The following RNF17 variants were observed in gnomAD, a reference collection of about 807,000 sequenced individuals.
RNF17 encodes the protein spermatogenesis associated 23.
In RNF17, 31 loss-of-function variants were observed where a neutral mutation model predicts 200.5. The observed-to-expected ratio is 0.15, with a 90% CI of 0.12 to 0.21. RNF17 has a LOEUF of 0.21. Ranked by LOEUF, RNF17 falls within the 10% of genes least tolerant of loss-of-function variation. The probability of loss-of-function intolerance (pLI) is 1.00; values close to 1 mark genes in which losing one functional copy is unlikely to be tolerated. For missense variants in RNF17, 1,628 were observed against 1,905.1 expected (o/e 0.85, Z 2.71); for synonymous variants, 606 against 637.8 (o/e 0.95, Z 0.75).
In RNF17 at chr13:24,767,341, C is replaced by T. The variant is rs1281883387; in HGVS notation, c.200C>T (p.Thr67Ile). The T allele has an allele frequency of 2.5e-6, 4 of 1,609,692 alleles. No individual in the cohort carries two copies. The highest frequency in any genetic ancestry group is 3.3e-5 in the Admixed American group (2 of 59,986). The change falls in exon 2 of 36, where the codon ACC becomes ATC. Residue 67 changes from threonine to isoleucine, a missense_variant. This residue lies in a region of RNF17 where 502 missense variants were observed against 501.7 expected (regional missense o/e 1.00). Coordinates refer to ENST00000255324, the MANE Select transcript of RNF17 (RefSeq NM_031277.3). ...TGCTTGTTAATGACTGAAGAATGCACCACAATTATATGCCCTGATTGTGAG... is the reference window on the plus strand; with the variant it reads ...TGCTTGTTAATGACTGAAGAATGCATCACAATTATATGCCCTGATTGTGAG... ...ELCLLMTEEC[T>I]TIICPDCEVA... is the part of the protein sequence containing the mutation.
intron 30 of RNF17, among the ~76,000 whole-genome samples, chr13:24,868,009 A>G (rs1486442702): frequency 6.6e-6 from 1 of 152,216 alleles, no homozygotes; most frequent in African/African-American, 2.4e-5. Flanking sequence ...ATTCTTCTAG[A>G]ATTGTATGTA....
intron 18 of RNF17, among the ~76,000 whole-genome samples, chr13:24,841,059 T>A (rs372227386): frequency 2.0e-4 from 30 of 152,326 alleles, no homozygotes; most frequent in African/African-American, 7.0e-4. Context: ...TTTAGAGATG[T>A]TTTCTAAAGA....
chr13:24,842,261 C>T, intron 19 of RNF17, 100 bp downstream of exon 19: 1 of 1,052,578 alleles, frequency 9.5e-7, no homozygotes, highest in Non-Finnish European at 1.3e-6. Flanking sequence ...TGGAGATGAG[C>T]TTAGACTGTA....
At chr13:24,777,017 A>G (rs528188422) in intron 3 of RNF17, among the ~76,000 whole-genome samples, 1 of 152,318 alleles carries the variant, frequency 6.6e-6, no homozygotes, top group South Asian at 2.1e-4. Context: ...GTTCCAAATA[A>G]CCATTTTAAA....
At chr13:24,826,199 G>T in intron 16 of RNF17, 2 of 603,368 alleles carry the variant, frequency 3.3e-6, no homozygotes, top group Non-Finnish European at 4.2e-6. Flanking sequence ...TAGTTTTCTC[G>T]ATATATTTTT....
At chr13:24,868,099 G>T (rs1275775161) in intron 30 of RNF17, among the ~76,000 whole-genome samples, 2 of 152,186 alleles carry the variant, frequency 1.3e-5, no homozygotes, top group East Asian at 1.9e-4. Flanking sequence ...GAGGACAAAA[G>T]AATACTAAAG....
intron 19 of RNF17, 150 bp from the exon 20 acceptor site, chr13:24,843,594 C>T (rs1319121152): frequency 4.7e-6 from 3 of 635,648 alleles, no homozygotes; most frequent in East Asian, 2.8e-5. Flanking sequence ...AACTTATATA[C>T]AGTAAAAAGT....
At chr13:24,878,804 AC>A (rs1440020977) in intron 34 of RNF17, among the ~76,000 whole-genome samples, 1 of 151,554 alleles carries the variant, frequency 6.6e-6, no homozygotes, top group Non-Finnish European at 1.5e-5. Context: ...TCACAGACAC[AC>A]CTAGAAATGC....
Position 24,829,540 on chromosome 13 carries a change from T to C in RNF17, c.2246-944T>C, listed in dbSNP as rs182960652. The stretch of plus-strand genomic sequence containing the variant: ...TCTTTTGGCTTTATAATAACACTTA[T>C]CTTCTCAATTATCATGGATATCTCC... On this transcript the variant is annotated intron_variant, in intron 16 of 35. Coordinates refer to ENST00000255324, the MANE Select transcript of RNF17 (RefSeq NM_031277.3). Among the ~76,000 whole-genome samples the C allele has an allele frequency of 3.2e-4, 48 of 152,290 alleles. No homozygotes were observed. The East Asian group carries it at 7.9e-3, about 25-fold the overall frequency.
At chr13:24,882,217 TAG>T (rs1953882413), downstream of RNF17, 1 of 107,786 alleles carries the variant, frequency 9.3e-6, no homozygotes, top group South Asian at 2.9e-4. Context: ...TAGATAGATA[TAG>T]ATACATCTAT....
At chr13:24,874,330 T>G in intron 33 of RNF17, 81 bp downstream of exon 33, 1 of 1,268,594 alleles carries the variant, frequency 7.9e-7, no homozygotes, top group Non-Finnish European at 1.1e-6. Context: ...TTTGCCTCTT[T>G]TAAAAGAAAA....
chr13:24,808,944 C>T (rs1886240642), intron 15 of RNF17, among the ~76,000 whole-genome samples: 1 of 147,134 alleles, frequency 6.8e-6, no homozygotes, highest in South Asian at 2.2e-4. Flanking sequence ...TGCTGGATTA[C>T]ATTTATTGAT....
intron 2 of RNF17, among the ~76,000 whole-genome samples, chr13:24,769,500 T>C (rs925464813): frequency 7.2e-5 from 11 of 152,172 alleles, no homozygotes; most frequent in African/African-American, 2.7e-4. Context: ...TGGGCCCTAT[T>C]AAAGGAAGTC....
chr13:24,799,251 T>C (rs1030308600), intron 11 of RNF17, 144 bp from the exon 12 acceptor site: 1 of 637,128 alleles, frequency 1.6e-6, no homozygotes, highest in African/African-American at 1.8e-5. Flanking sequence ...ATTATATCTT[T>C]CTTATAGCAC....
At chr13:24,762,714 G>T (rs540466620), upstream of RNF17, among the ~76,000 whole-genome samples, 13 of 152,200 alleles carry the variant, frequency 8.5e-5, no homozygotes, top group South Asian at 2.7e-3. Flanking sequence ...AGGAATATGG[G>T]CAGGCTTTAT....
At chr13:24,885,425 C>T in the RNF17 span, 4 of 1,416,344 alleles carry the variant, frequency 2.8e-6, no homozygotes, top group Non-Finnish European at 3.0e-6. Flanking sequence ...AAAACCTACT[C>T]TTACTTCCAA....
intron 9 of RNF17, among the ~76,000 whole-genome samples, chr13:24,792,235 T>C (rs769346532): frequency 6.6e-6 from 1 of 152,196 alleles, no homozygotes; most frequent in Non-Finnish European, 1.5e-5. Flanking sequence ...AATTTAACTC[T>C]GAGAGCTGCC....
At chr13:24,774,313 A>G (rs1881242641) in intron 2 of RNF17, among the ~76,000 whole-genome samples, 1 of 152,064 alleles carries the variant, frequency 6.6e-6, no homozygotes, top group Non-Finnish European at 1.5e-5. Context: ...AGGTTCAAGC[A>G]ATTCTCCTGC....
chr13:24,819,164 T>C (rs1887749138), intron 15 of RNF17, among the ~76,000 whole-genome samples: 1 of 152,182 alleles, frequency 6.6e-6, no homozygotes, highest in African/African-American at 2.4e-5. Flanking sequence ...ACTGAAACTA[T>C]ACTCGTTAAA....
Sources: gnomAD v4.1 joint callset for allele counts (sites outside exome capture counted in the v4.1 genomes callset) on GRCh38, gnomAD v4.1.1 for gene constraint, gnomAD v4.1.1 regional missense constraint, MANE v1.5 for transcripts, NCBI Gene and HGNC (gene_info 2026-07-23, HGNC 2026-07-21) for gene names.